The following ELMO1 variants were observed in gnomAD, a reference collection of about 807,000 sequenced individuals.
The protein encoded by ELMO1 is engulfment and cell motility 1, also known as engulfment and cell motility protein 1.
ELMO1 carries 26 observed loss-of-function variants against 98.9 expected under a neutral mutation model. The ratio of observed to expected loss-of-function variants is 0.26; its 90% CI spans 0.19 to 0.36. ELMO1 has a LOEUF of 0.36. Ranked by LOEUF, ELMO1 falls within the 10% of genes least tolerant of loss-of-function variation. The pLI, the probability that ELMO1 is intolerant of heterozygous loss-of-function variation, is 1.00. For synonymous variants in ELMO1, 346 were observed against 346.0 expected, an observed-to-expected ratio of 1.00 and a Z score of 0.00; for missense variants, 627 against 935.2, an observed-to-expected ratio of 0.67 and a Z score of 4.30.
chr7:37,000,938 T>TACACACACACACACACACAC (rs145766627), intron 16 of ELMO1, among the ~76,000 whole-genome samples: 1 of 147,408 alleles, frequency 6.8e-6, no homozygotes, highest in Non-Finnish European at 1.5e-5. Flanking sequence ...TATATGTGTA[T>TACACACACACACACACACAC]ACACACACAC....
intron 13 of ELMO1, among the ~76,000 whole-genome samples, chr7:37,143,418 T>A (rs1306132822): frequency 6.6e-6 from 1 of 152,180 alleles, no homozygotes; most frequent in African/African-American, 2.4e-5. Context: ...TATTTATTTA[T>A]TTTTTTGCGA....
At chr7:37,257,797 C>T (rs376233426) in intron 6 of ELMO1, among the ~76,000 whole-genome samples, 1 of 150,810 alleles carries the variant, frequency 6.6e-6, no homozygotes, top group East Asian at 2.0e-4. Flanking sequence ...GTCAAGAGAT[C>T]GAGACCATCT....
At chr7:37,295,235 TTG>T (rs1229399207) in intron 4 of ELMO1, among the ~76,000 whole-genome samples, 1 of 152,210 alleles carries the variant, frequency 6.6e-6, no homozygotes, top group Admixed American at 6.5e-5. Flanking sequence ...GATAGAAAAT[TTG>T]ATAGAGTAAG....
At chr7:36,959,086 ACTTCAT>A (rs1788716212) in intron 16 of ELMO1, among the ~76,000 whole-genome samples, 1 of 151,982 alleles carries the variant, frequency 6.6e-6, no homozygotes, top group African/African-American at 2.4e-5. Flanking sequence ...GTCATACTTG[ACTTCAT>A]CAGTCTCTCC....
At chr7:37,065,740 G>A (rs934705299) in intron 15 of ELMO1, among the ~76,000 whole-genome samples, 1 of 152,186 alleles carries the variant, frequency 6.6e-6, no homozygotes, top group Non-Finnish European at 1.5e-5. Flanking sequence ...TTTTGAAAAT[G>A]AAAACGCTCG....
chr7:37,105,064 T>C (rs1020058925), intron 14 of ELMO1, among the ~76,000 whole-genome samples: 3 of 152,208 alleles, frequency 2.0e-5, no homozygotes, highest in African/African-American at 7.2e-5. Context: ...TGGAGCTTCA[T>C]AATAGACCTC....
At chr7:37,080,604 T>C in intron 15 of ELMO1, among the ~76,000 whole-genome samples, 1 of 138,028 alleles carries the variant, frequency 7.2e-6, no homozygotes, top group Non-Finnish European at 1.5e-5. Context: ...CGCCTAATTT[T>C]TTTTTTTTTT....
chr7:37,204,961 CA>C lies in ELMO1; in HGVS notation c.1086+6424del, dbSNP rs1418993647. 3.3e-5 allele frequency among the ~76,000 whole-genome samples: 5 copies of C among 151,948 alleles called. No individual in the cohort carries two copies. In the East Asian group the frequency reaches 9.6e-4, roughly 29 times the overall value. On this transcript the variant is annotated intron_variant, in intron 13 of 21. Transcript: ENST00000310758. ...CCCTACCTGATTAGCTAGACACAGA[CA>C]GCTGATTGGTGCATTTACAAACCTT...
chr7:37,298,528 C>A (rs1029656230), intron 4 of ELMO1, among the ~76,000 whole-genome samples: 1 of 148,170 alleles, frequency 6.7e-6, no homozygotes, highest in Non-Finnish European at 1.5e-5. Context: ...TGTTCAATTC[C>A]CACCTATGAG....
intron 11 of ELMO1, among the ~76,000 whole-genome samples, chr7:37,215,194 A>G (rs565629597): frequency 6.6e-6 from 1 of 152,214 alleles, no homozygotes; most frequent in Non-Finnish European, 1.5e-5. Context: ...TGAAAGTTAC[A>G]CTCATACATT....
intron 16 of ELMO1, among the ~76,000 whole-genome samples, chr7:36,980,606 G>A (rs1420684060): frequency 6.6e-6 from 1 of 152,186 alleles, no homozygotes; most frequent in East Asian, 1.9e-4. Flanking sequence ...TAATTTTCTA[G>A]TCCTGTATTT....
At chr7:37,372,305 C>T (rs973288072) in intron 1 of ELMO1, among the ~76,000 whole-genome samples, 2 of 152,110 alleles carry the variant, frequency 1.3e-5, no homozygotes, top group Non-Finnish European at 2.9e-5. Context: ...GGCTAGAACC[C>T]TGGATCTAGC....
chr7:37,275,360 T>C (rs1279973492), intron 4 of ELMO1, among the ~76,000 whole-genome samples: 1 of 152,252 alleles, frequency 6.6e-6, no homozygotes, highest in African/African-American at 2.4e-5. Flanking sequence ...TCACTCCTTC[T>C]TTTTTGGAAC....
chr7:36,954,247 T>C (rs755689764), intron 16 of ELMO1, among the ~76,000 whole-genome samples: 3 of 152,190 alleles, frequency 2.0e-5, no homozygotes, highest in South Asian at 2.1e-4. Context: ...AGGTGAGGAA[T>C]TGGAGGTTTG....
intron 13 of ELMO1, among the ~76,000 whole-genome samples, chr7:37,182,673 T>C (rs1790957327): frequency 6.6e-6 from 1 of 151,898 alleles, no homozygotes; most frequent in Non-Finnish European, 1.5e-5. Flanking sequence ...AGGTGCAGTA[T>C]GGTTTAGAGT....
At chr7:36,858,112 A>G (rs1276538610) in intron 21 of ELMO1, among the ~76,000 whole-genome samples, 1 of 152,210 alleles carries the variant, frequency 6.6e-6, no homozygotes, top group Non-Finnish European at 1.5e-5. Flanking sequence ...AAAGATGCTT[A>G]CTATTTTGAA....
intron 13 of ELMO1, among the ~76,000 whole-genome samples, chr7:37,172,960 G>C (rs1790270159): frequency 6.6e-6 from 1 of 152,160 alleles, no homozygotes; most frequent in Admixed American, 6.5e-5. Flanking sequence ...GCAAGGAGTA[G>C]AAGTCAGCAG....
chr7:37,386,998 A>G (rs1306097907), intron 1 of ELMO1, among the ~76,000 whole-genome samples: 1 of 152,240 alleles, frequency 6.6e-6, no homozygotes, highest in Non-Finnish European at 1.5e-5. Flanking sequence ...CCTGCTCCCC[A>G]GATGACTCTA....
intron 16 of ELMO1, among the ~76,000 whole-genome samples, chr7:36,958,548 G>A (rs1408208359): frequency 2.0e-5 from 3 of 152,148 alleles, no homozygotes; most frequent in African/African-American, 7.2e-5. Flanking sequence ...TCTGTAATCA[G>A]ACGGTGAATC....
Sources: allele counts gnomAD v4.1 joint callset (sites outside exome capture counted in the v4.1 genomes callset), GRCh38; gene constraint gnomAD v4.1.1; transcripts MANE v1.5; gene names NCBI Gene and HGNC (gene_info 2026-07-23, HGNC 2026-07-21).